IQSEC1: variants seen among roughly 807,000 people sequenced by gnomAD.
The protein encoded by IQSEC1 is IQ motif and Sec7 domain ArfGEF 1.
A neutral mutation model predicts 91.0 loss-of-function variants in IQSEC1; 31 were observed. The observed-to-expected ratio is 0.34, with a 90% CI of 0.26 to 0.46. IQSEC1 has a LOEUF of 0.46. Ranked by LOEUF, IQSEC1 falls within the 20% of genes least tolerant of loss-of-function variation. IQSEC1 has a pLI of 1.00. For missense variants in IQSEC1, 1,388 were observed against 1,575.6 expected (o/e 0.88, Z 2.02); for synonymous variants, 699 against 662.6 (o/e 1.05, Z -0.84).
intron 1 of IQSEC1, among the ~76,000 whole-genome samples, chr3:13,170,087 G>T (rs114995197): frequency 6.6e-6 from 1 of 152,214 alleles, no homozygotes; most frequent in South Asian, 2.1e-4. Flanking sequence ...GAAACAAATG[G>T]TTTTGTGGGC....
chr3:13,219,183 TC>T (rs1694606701), intron 1 of IQSEC1, among the ~76,000 whole-genome samples: 1 of 152,112 alleles, frequency 6.6e-6, no homozygotes, highest in South Asian at 2.1e-4. Context: ...AAAAGCTCAG[TC>T]CATCCACCTC....
At position 13,035,175 on chromosome 3, in the gene IQSEC1, T is replaced by C. The variant is rs1202306250; in HGVS notation, c.23+37817A>G. ...ACAGCTGTGAGCCTGCCCTTGGGGGTACAGAGTAGGCGCCCCGGCTCCTAA... is the reference window on the plus strand; with the variant it reads ...ACAGCTGTGAGCCTGCCCTTGGGGGCACAGAGTAGGCGCCCCGGCTCCTAA... On this transcript the variant is annotated intron_variant, in intron 1 of 13. Transcript: ENST00000613206. Among the ~76,000 whole-genome samples the C allele has an allele frequency of 2.0e-5, 3 of 152,082 alleles. No homozygotes were observed. The East Asian group carries it at 5.8e-4, about 29-fold the overall frequency.
intron 2 of IQSEC1, among the ~76,000 whole-genome samples, chr3:13,083,369 T>C (rs1007088569): frequency 6.6e-6 from 1 of 152,214 alleles, no homozygotes; most frequent in Non-Finnish European, 1.5e-5. Context: ...TGGCAGCAGA[T>C]AACAACCGTG....
intron 1 of IQSEC1, among the ~76,000 whole-genome samples, chr3:13,260,668 G>T (rs2125129211): frequency 6.6e-6 from 1 of 152,326 alleles, no homozygotes; most frequent in Admixed American, 6.5e-5. Flanking sequence ...CTCCAGCTCT[G>T]TGCCAGACAC....
intron 2 of IQSEC1, among the ~76,000 whole-genome samples, chr3:13,141,919 G>A (rs1384744988): frequency 6.6e-6 from 1 of 152,222 alleles, no homozygotes; most frequent in Non-Finnish European, 1.5e-5. Flanking sequence ...GGGAGAGCCA[G>A]GATGCACAAA....
chr3:13,219,829 C>T (rs1694623211), intron 1 of IQSEC1, among the ~76,000 whole-genome samples: 1 of 152,252 alleles, frequency 6.6e-6, no homozygotes, highest in South Asian at 2.1e-4. Flanking sequence ...ACCATCACTT[C>T]CCAGCAAGGC....
intron 1 of IQSEC1, among the ~76,000 whole-genome samples, chr3:13,004,759 T>C (rs1702563804): frequency 6.6e-6 from 1 of 151,978 alleles, no homozygotes; most frequent in South Asian, 2.1e-4. Context: ...GAGGGAAGCA[T>C]TATCAAGGGG....
intron 4 of IQSEC1, among the ~76,000 whole-genome samples, chr3:12,923,814 A>G (rs1316527397): frequency 6.6e-6 from 1 of 152,234 alleles, no homozygotes. Context: ...GCACATGGGC[A>G]GGGCTGGGCG....
In IQSEC1 at chr3:13,071,555, G is replaced by T. The variant is rs75723701; in HGVS notation, c.23+1437C>A. 2.2e-3 allele frequency among the ~76,000 whole-genome samples: 337 copies of T among 152,316 alleles called. 2 individuals carry two copies. The highest frequency in any genetic ancestry group is 7.7e-3 in the African/African-American group (318 of 41,552). The stretch of plus-strand genomic sequence containing the variant: ...CCAGCCACTGGGGTGGAAGTTCCAC[G>T]CTGGGAAAGGATTTACTATTTGTTT... On this transcript the variant is annotated intron_variant, in intron 1 of 13. Coordinates refer to ENST00000613206, the MANE Select transcript of IQSEC1 (RefSeq NM_001134382.3).
Position 13,211,238 on chromosome 3 carries a change from G to C in IQSEC1, c.273-47105C>G, listed in dbSNP as rs151224311. Reference sequence around the variant, plus strand: ...GGATCCAGCCTCTGCTTTCACACCTGTGATGACGGGGGTCTCACCACCTCC... The same window carrying C: ...GGATCCAGCCTCTGCTTTCACACCTCTGATGACGGGGGTCTCACCACCTCC... On this transcript the variant is annotated intron_variant, in intron 1 of 15. Transcript: ENST00000648114. This position sits in a 1 kb window ranked among gnomAD's most constrained non-coding sequence, Gnocchi z 5.3. Among the ~76,000 whole-genome samples, 1 of 152,160 alleles carries C rather than the reference G, an allele frequency of 6.6e-6. No individual in the cohort carries two copies. The highest frequency in any genetic ancestry group is 1.5e-5 in the Non-Finnish European group (1 of 68,020).
At chr3:13,017,920 C>T (rs569639460) in intron 1 of IQSEC1, among the ~76,000 whole-genome samples, 6 of 152,202 alleles carry the variant, frequency 3.9e-5, no homozygotes, top group South Asian at 2.1e-4. Flanking sequence ...GGGCTCTTCC[C>T]GGAGATAGAC....
chr3:12,955,815 C>T (rs149939627), intron 1 of IQSEC1, among the ~76,000 whole-genome samples: 1 of 152,300 alleles, frequency 6.6e-6, no homozygotes, highest in Non-Finnish European at 1.5e-5. Flanking sequence ...GGAGACCTGG[C>T]ACCTGCCCAG....
At chr3:13,276,080 C>CCT (rs1296702806) in intron 1 of IQSEC1, among the ~76,000 whole-genome samples, 4 of 79,552 alleles carry the variant, frequency 5.0e-5, no homozygotes, top group African/African-American at 1.7e-4. Context: ...CAAAAGCATT[C>CCT]TTTTTTTTTT....
intron 3 of IQSEC1, among the ~76,000 whole-genome samples, chr3:12,925,044 G>T (rs1696989497): frequency 6.6e-6 from 1 of 152,220 alleles, no homozygotes; most frequent in African/African-American, 2.4e-5. Context: ...TACAAAGAAT[G>T]GGCTGGGCTG....
intron 1 of IQSEC1, among the ~76,000 whole-genome samples, chr3:13,023,839 G>A (rs1703503086): frequency 6.6e-6 from 1 of 152,222 alleles, no homozygotes; most frequent in Non-Finnish European, 1.5e-5. Context: ...GGCTTCACAA[G>A]CCACCACAGC....
intron 2 of IQSEC1, among the ~76,000 whole-genome samples, chr3:13,079,767 C>T (rs1263615121): frequency 6.6e-6 from 1 of 152,168 alleles, no homozygotes. Flanking sequence ...TCACACAGAA[C>T]CAAACGTTCT....
At chr3:13,183,825 T>C (rs906887455) in intron 1 of IQSEC1, among the ~76,000 whole-genome samples, 1 of 152,102 alleles carries the variant, frequency 6.6e-6, no homozygotes, top group South Asian at 2.1e-4. Flanking sequence ...CTACACAGAC[T>C]GATCAATAAA....
chr3:13,102,960 G>A (rs1232751863), intron 2 of IQSEC1, among the ~76,000 whole-genome samples: 1 of 152,190 alleles, frequency 6.6e-6, no homozygotes, highest in African/African-American at 2.4e-5. Context: ...TTGGCACCTT[G>A]TCCAGCTCAG....
Position 13,148,903 on chromosome 3 carries a change from C to T in IQSEC1, c.302+15201G>A, listed in dbSNP as rs570326875. ...AGACCCCCTGAAGGGTAACCTCTCC[C>T]GCATCCTTTCCAGGGGAGCCAAGGC... is the stretch of plus-strand genomic sequence containing the variant. On this transcript the variant is annotated intron_variant, in intron 2 of 15. Transcript: ENST00000648114. Among the ~76,000 whole-genome samples the T allele has an allele frequency of 9.8e-5, 15 of 152,392 alleles. No individual in the cohort carries two copies. In the South Asian group the frequency reaches 1.4e-3, roughly 15 times the overall value.
Sources: gnomAD v4.1 joint callset for allele counts (sites outside exome capture counted in the v4.1 genomes callset) on GRCh38, gnomAD v4.1.1 for gene constraint, Gnocchi (gnomAD v3.1) non-coding constraint, MANE v1.5 for transcripts, NCBI Gene and HGNC (gene_info 2026-07-23, HGNC 2026-07-21) for gene names.